Variants in FARP1 observed in about 807,000 individuals in gnomAD.
The protein encoded by FARP1 is FERM, ARH/RhoGEF and pleckstrin domain protein 1.
In FARP1, 52 loss-of-function variants were observed where a neutral mutation model predicts 128.8. That is an observed-to-expected ratio of 0.40 (90% confidence interval 0.32 to 0.51). FARP1 has a LOEUF of 0.51. FARP1 is among the 20% of genes least tolerant of loss of function. FARP1 has a pLI of 0.45. For synonymous variants in FARP1, 580 were observed against 551.8 expected, an observed-to-expected ratio of 1.05 and a Z score of -0.72; for missense variants, 1,333 against 1,367.9, an observed-to-expected ratio of 0.97 and a Z score of 0.40.
At chr13:98,371,791 C>T (rs1013506095) in intron 5 of FARP1, among the ~76,000 whole-genome samples, 10 of 152,108 alleles carry the variant, frequency 6.6e-5, no homozygotes, top group Non-Finnish European at 1.2e-4. Context: ...GTGGGACAGA[C>T]GGAGAAACTG....
At chr13:98,167,657 G>A (rs1195485990) in intron 1 of FARP1, among the ~76,000 whole-genome samples, 3 of 151,980 alleles carry the variant, frequency 2.0e-5, no homozygotes, top group African/African-American at 7.2e-5. Flanking sequence ...TGATCCGCCC[G>A]CCTCAGCCTC....
In FARP1 at chr13:98,450,839, T is replaced by C. The variant is rs974633193; in HGVS notation, c.*2522T>C. 2.6e-5 allele frequency: 4 copies of C among 152,262 alleles called. No individual in the cohort carries two copies. The East Asian group carries it at 5.8e-4, about 22-fold the overall frequency. The allele number at this position is 152,262 out of a possible 1,614,324, so 9.4% of individuals were successfully genotyped here. On this transcript the variant is annotated 3_prime_UTR_variant, in exon 27 of 27. Transcript: ENST00000319562. ...CAAAAGCCAGCTTCCTTGGCTAAGA[T>C]GCCCTTAAAAACATTGGGGCTGATT...
intron 2 of FARP1, among the ~76,000 whole-genome samples, chr13:98,341,810 G>T (rs576064620): frequency 4.6e-5 from 7 of 152,126 alleles, no homozygotes; most frequent in African/African-American, 1.4e-4. Context: ...AGCTCTTTAG[G>T]GTAGAACGTG....
chr13:98,291,062 C>T (rs990271331), intron 2 of FARP1, among the ~76,000 whole-genome samples: 3 of 152,206 alleles, frequency 2.0e-5, no homozygotes, highest in East Asian at 1.9e-4. Context: ...GGGTGCCCAA[C>T]CTGTGCAGTC....
intron 9 of FARP1, 149 bp from the exon 10 acceptor site, chr13:98,389,801 CTAGAGTT>C (rs1890237392): frequency 9.2e-6 from 6 of 652,878 alleles, no homozygotes; most frequent in Non-Finnish European, 1.5e-5. Flanking sequence ...TTAAGAATAA[CTAGAGTT>C]TAGTAAGTCT....
intron 2 of FARP1, chr13:98,245,439 A>T (rs1479295626): frequency 1.6e-6 from 1 of 612,126 alleles, no homozygotes; most frequent in Non-Finnish European, 2.0e-6. Context: ...CACTGCAGCA[A>T]CTAAGTAATA....
chr13:98,397,988 G>T (rs1483735283), intron 13 of FARP1: 2 of 150,452 alleles, frequency 1.3e-5, no homozygotes, highest in African/African-American at 4.9e-5. Context: ...TCCTAACAAG[G>T]ATAGCTCCCT....
chr13:98,153,645 C>A (rs372289954), intron 1 of FARP1, among the ~76,000 whole-genome samples: 2 of 146,200 alleles, frequency 1.4e-5, no homozygotes, highest in East Asian at 2.0e-4. Context: ...CTTGCTGCAA[C>A]CTCCGACTCC....
At chr13:98,188,834 C>T (rs1350678872) in intron 1 of FARP1, among the ~76,000 whole-genome samples, 1 of 152,200 alleles carries the variant, frequency 6.6e-6, no homozygotes, top group Non-Finnish European at 1.5e-5. Context: ...GCATGTCCTG[C>T]ACATCCGAGG....
intron 2 of FARP1, among the ~76,000 whole-genome samples, chr13:98,285,271 A>T (rs556682622): frequency 7.2e-5 from 11 of 152,194 alleles, no homozygotes; most frequent in Non-Finnish European, 1.3e-4. Flanking sequence ...ACCCCCCATA[A>T]CCTGGAGGCA....
intron 1 of FARP1, among the ~76,000 whole-genome samples, chr13:98,149,244 G>C (rs1266701313): frequency 6.6e-6 from 1 of 151,830 alleles, no homozygotes; most frequent in East Asian, 1.9e-4. Context: ...CCTCTCTTCT[G>C]TTCCTCTTCC....
At chr13:98,358,795 C>A (rs1231920985) in intron 3 of FARP1, among the ~76,000 whole-genome samples, 1 of 151,946 alleles carries the variant, frequency 6.6e-6, no homozygotes, top group Non-Finnish European at 1.5e-5. Context: ...GCCACCACGC[C>A]CGGCTAATTT....
At chr13:98,320,141 G>A (rs1886927348) in intron 2 of FARP1, among the ~76,000 whole-genome samples, 1 of 152,152 alleles carries the variant, frequency 6.6e-6, no homozygotes, top group South Asian at 2.1e-4. Flanking sequence ...AGACCTGCAT[G>A]CTTAGTGTCT....
chr13:98,219,689 C>A (rs879633484), intron 2 of FARP1, among the ~76,000 whole-genome samples: 1 of 151,028 alleles, frequency 6.6e-6, no homozygotes, highest in Non-Finnish European at 1.5e-5. Context: ...TTTTTTGAGA[C>A]AGAGTCTTCT....
chr13:98,352,001 T>A (rs1218098787), intron 3 of FARP1, among the ~76,000 whole-genome samples: 1 of 152,052 alleles, frequency 6.6e-6, no homozygotes, highest in Non-Finnish European at 1.5e-5. Context: ...AGAAATAATA[T>A]GTTTCAAAAT....
chr13:98,440,106 C>T lies in FARP1; in HGVS notation c.2517-17C>T, dbSNP rs375162275. ...GATGTGCTGTGGCCTGAACACCTGA[C>T]GCGTCTCTGTCTCCAGTTCTCGGTC... is the stretch of plus-strand genomic sequence containing the variant. On this transcript the variant is annotated splice_polypyrimidine_tract_variant and intron_variant, in intron 22 of 26. Transcript: ENST00000319562. 1.7e-5 allele frequency: 28 copies of T among 1,609,750 alleles called. No homozygotes were observed. In the South Asian group the frequency reaches 1.9e-4, roughly 11 times the overall value.
chr13:98,375,214 T>C (rs1889530628), intron 5 of FARP1, among the ~76,000 whole-genome samples: 1 of 152,232 alleles, frequency 6.6e-6, no homozygotes, highest in African/African-American at 2.4e-5. Context: ...TGATTATTCT[T>C]TTGCCAGGTA....
intron 11 of FARP1, among the ~76,000 whole-genome samples, chr13:98,393,101 G>C (rs1049293607): frequency 3.3e-5 from 5 of 152,206 alleles, no homozygotes; most frequent in Non-Finnish European, 2.9e-5. Flanking sequence ...AGAGGGAAGA[G>C]ATGAAAGAGA....
intron 25 of FARP1, 92 bp from the exon 26 acceptor site, chr13:98,446,574 C>T: frequency 7.3e-7 from 1 of 1,373,764 alleles, no homozygotes; most frequent in Non-Finnish European, 1.0e-6. Flanking sequence ...GCTGCCTGGG[C>T]TCCCAAGTCC....
Sources: allele counts gnomAD v4.1 joint callset (sites outside exome capture counted in the v4.1 genomes callset), GRCh38; gene constraint gnomAD v4.1.1; transcripts MANE v1.5; gene names NCBI Gene and HGNC (gene_info 2026-07-23, HGNC 2026-07-21).